Variants in MDFIC2 observed in about 807,000 individuals in gnomAD.
MDFIC2 encodes MyoD family inhibitor domain containing 2.
At chr3:70,232,847 G>A (rs1701573565) in intron 2 of MDFIC2, among the ~76,000 whole-genome samples, 1 of 152,020 alleles carries the variant, frequency 6.6e-6, no homozygotes. Context: ...TGTACAGAAA[G>A]AAGGAAAAAA....
At position 70,291,617 on chromosome 3, in the gene MDFIC2, C is replaced by G. The variant is rs979479525; in HGVS notation, c.88+20269G>C. Among the ~76,000 whole-genome samples, 3 of 152,256 alleles carry G rather than the reference C, an allele frequency of 2.0e-5. No individual in the cohort carries two copies. The East Asian group carries it at 5.8e-4, about 29-fold the overall frequency. ...CTGGGAACATCGGATCCACAAATGA[C>G]AAACCCCTGGCTGTCACTTTCCCCT... On this transcript the variant is annotated intron_variant, in intron 2 of 3. Coordinates refer to ENST00000567252, the MANE Select transcript of MDFIC2 (RefSeq NM_001364677.1).
intron 2 of MDFIC2, among the ~76,000 whole-genome samples, chr3:70,243,846 G>A (rs1575605155): frequency 6.6e-6 from 1 of 152,168 alleles, no homozygotes; most frequent in East Asian, 1.9e-4. Flanking sequence ...TTGTGTCTAG[G>A]AGGATATGTG....
chr3:70,267,696 G>T (rs1195930325), intron 2 of MDFIC2, among the ~76,000 whole-genome samples: 2 of 151,582 alleles, frequency 1.3e-5, no homozygotes, highest in Non-Finnish European at 2.9e-5. Flanking sequence ...GATTACAGGC[G>T]AGAGCCACCC....
chr3:70,269,354 A>G (rs1047882806), intron 2 of MDFIC2, among the ~76,000 whole-genome samples: 7 of 152,178 alleles, frequency 4.6e-5, no homozygotes, highest in Non-Finnish European at 8.8e-5. Flanking sequence ...ACTGAACTGT[A>G]ACCTGTCTGG....
intron 2 of MDFIC2, among the ~76,000 whole-genome samples, chr3:70,230,449 C>G (rs17006869): frequency 0.017 from 2,631 of 152,168 alleles, 83 homozygotes; most frequent in African/African-American, 0.058. Flanking sequence ...TTACTTGGAT[C>G]TCAAAACCTC....
chr3:70,266,225 C>A (rs1017864436), intron 2 of MDFIC2, among the ~76,000 whole-genome samples: 4 of 151,866 alleles, frequency 2.6e-5, no homozygotes, highest in African/African-American at 9.7e-5. Context: ...TTATTTTCAG[C>A]TTTGTATTTT....
chr3:70,290,561 G>C (rs1193763241), intron 2 of MDFIC2, among the ~76,000 whole-genome samples: 1 of 152,232 alleles, frequency 6.6e-6, no homozygotes, highest in Non-Finnish European at 1.5e-5. Flanking sequence ...AGGCAGGCAG[G>C]CCTCCTTGAG....
chr3:70,292,996 G>A (rs1702253174), intron 2 of MDFIC2, among the ~76,000 whole-genome samples: 1 of 139,636 alleles, frequency 7.2e-6, no homozygotes, highest in Admixed American at 7.6e-5. Flanking sequence ...AGAAATAAAG[G>A]CTATTTGCAG....
intron 2 of MDFIC2, among the ~76,000 whole-genome samples, chr3:70,233,160 G>A (rs552408583): frequency 6.6e-6 from 1 of 152,320 alleles, no homozygotes; most frequent in Non-Finnish European, 1.5e-5. Context: ...CTGCATTCCA[G>A]CCTGGGCAAC....
rs567826574 is a variant in MDFIC2 at position 70,273,073 on chromosome 3, G to T, written c.88+38813C>A. ...CCTACCTGTTGTCAAGGGAAGTTCA[G>T]CCAGTGACCCAAGTTTTGTCTGGGA... is the stretch of plus-strand genomic sequence containing the variant. On this transcript the variant is annotated intron_variant, in intron 2 of 3. Coordinates refer to ENST00000567252, the MANE Select transcript of MDFIC2 (RefSeq NM_001364677.1). Among the ~76,000 whole-genome samples the T allele has an allele frequency of 1.3e-5, 2 of 152,266 alleles. 1 individual carries two copies. Among genetic ancestry groups the T allele is most frequent in the South Asian group, 4.1e-4 (2 of 4,826 alleles).
chr3:70,263,631 AT>A (rs1316454454), intron 2 of MDFIC2, among the ~76,000 whole-genome samples: 5 of 152,204 alleles, frequency 3.3e-5, no homozygotes, highest in Non-Finnish European at 7.3e-5. Flanking sequence ...TGTAGATGGT[AT>A]TCAGCAAAAG....
At chr3:70,290,293 C>G (rs1308159773) in intron 2 of MDFIC2, among the ~76,000 whole-genome samples, 1 of 152,242 alleles carries the variant, frequency 6.6e-6, no homozygotes, top group East Asian at 1.9e-4. Context: ...GGACTCTGAG[C>G]TGCAGGTCTG....
At chr3:70,282,299 A>C (rs1043388673) in intron 2 of MDFIC2, among the ~76,000 whole-genome samples, 3 of 152,142 alleles carry the variant, frequency 2.0e-5, no homozygotes, top group Non-Finnish European at 2.9e-5. Flanking sequence ...CACACCACTT[A>C]AGAAGATGTA....
intron 3 of MDFIC2, chr3:70,204,808 G>C (rs1576154227): frequency 6.6e-6 from 1 of 152,194 alleles, no homozygotes; most frequent in East Asian, 1.9e-4. Context: ...GGTCAGATCA[G>C]AGTGATTCTG....
intron 2 of MDFIC2, among the ~76,000 whole-genome samples, chr3:70,254,292 CT>C (rs909252660): frequency 6.6e-6 from 1 of 151,994 alleles, no homozygotes; most frequent in Admixed American, 6.6e-5. Context: ...TTAAGGGATT[CT>C]TTTTTCAAAA....
chr3:70,227,320 C>G (rs1297790359), intron 2 of MDFIC2, among the ~76,000 whole-genome samples: 1 of 152,204 alleles, frequency 6.6e-6, no homozygotes, highest in East Asian at 1.9e-4. Context: ...ACTGTGATAA[C>G]AGTCTCTCTA....
intron 2 of MDFIC2, among the ~76,000 whole-genome samples, chr3:70,310,204 G>C (rs1702442067): frequency 6.6e-6 from 1 of 152,018 alleles, no homozygotes. Flanking sequence ...TAACAGAAAT[G>C]ATTCTGGAAA....
chr3:70,305,474 G>A (rs988694318), intron 2 of MDFIC2, among the ~76,000 whole-genome samples: 3 of 152,078 alleles, frequency 2.0e-5, no homozygotes, highest in South Asian at 2.1e-4. Context: ...AAAATATCCC[G>A]TTTAGAAATG....
chr3:70,311,389 A>G (rs1277419534), intron 2 of MDFIC2, among the ~76,000 whole-genome samples: 1 of 152,204 alleles, frequency 6.6e-6, no homozygotes, highest in African/African-American at 2.4e-5. Context: ...GCGTATTTCA[A>G]GCAACCATTT....
Sources: gnomAD v4.1 joint callset for allele counts (sites outside exome capture counted in the v4.1 genomes callset) on GRCh38, gnomAD v4.1.1 for gene constraint, MANE v1.5 for transcripts, NCBI Gene and HGNC (gene_info 2026-07-23, HGNC 2026-07-21) for gene names.